L3MBTL4: variants seen among roughly 807,000 people sequenced by gnomAD.
L3MBTL4 encodes lethal(3)malignant brain tumor-like protein 4.
L3MBTL4 carries 70 observed loss-of-function variants against 84.5 expected under a neutral mutation model. The observed-to-expected ratio is 0.83, with a 90% CI of 0.68 to 1.01. L3MBTL4 has a LOEUF of 1.01. L3MBTL4 is among the 50% of genes least tolerant of loss of function. The pLI is 0.00. For synonymous variants in L3MBTL4, 274 were observed against 259.8 expected (o/e 1.05, Z -0.52); for missense variants, 715 against 754.8 (o/e 0.95, Z 0.62).
intron 13 of L3MBTL4, among the ~76,000 whole-genome samples, chr18:6,165,111 TAAG>T (rs1444951792): frequency 6.6e-6 from 1 of 151,990 alleles, no homozygotes; most frequent in African/African-American, 2.4e-5. Flanking sequence ...TGACATGAAC[TAAG>T]AAGAGAAGTT....
chr18:6,342,388 T>C (rs983162631), intron 1 of L3MBTL4, among the ~76,000 whole-genome samples: 2 of 152,194 alleles, frequency 1.3e-5, no homozygotes, highest in Non-Finnish European at 2.9e-5. Context: ...AAGATAGATT[T>C]ATTATATTAA....
chr18:6,320,065 A>G (rs1050196544), intron 1 of L3MBTL4, among the ~76,000 whole-genome samples: 2 of 152,020 alleles, frequency 1.3e-5, no homozygotes, highest in African/African-American at 2.4e-5. Context: ...CAATATAGGT[A>G]GAAAAAATAA....
At chr18:6,024,573 T>A (rs1454008917) in intron 16 of L3MBTL4, among the ~76,000 whole-genome samples, 3 of 152,124 alleles carry the variant, frequency 2.0e-5, no homozygotes, top group Admixed American at 2.0e-4. Flanking sequence ...CTTTCCCCCC[T>A]CAAGGTACAC....
At chr18:6,062,448 A>C (rs188263863) in intron 16 of L3MBTL4, among the ~76,000 whole-genome samples, 1 of 152,096 alleles carries the variant, frequency 6.6e-6, no homozygotes, top group East Asian at 1.9e-4. Context: ...TGACATATGT[A>C]GGTTCAGATG....
chr18:6,151,554 G>A (rs751823496), intron 13 of L3MBTL4, among the ~76,000 whole-genome samples: 9 of 151,792 alleles, frequency 5.9e-5, no homozygotes, highest in East Asian at 1.9e-4. Flanking sequence ...CACCAGGCAC[G>A]GCTAATTTTT....
chr18:6,149,047 A>ATTT (rs1289304160), intron 13 of L3MBTL4, among the ~76,000 whole-genome samples: 1 of 151,998 alleles, frequency 6.6e-6, no homozygotes, highest in Non-Finnish European at 1.5e-5. Context: ...GTTTTTAAAA[A>ATTT]TTTTTTTATT....
At chr18:6,248,126 A>G (rs2039430605) in intron 5 of L3MBTL4, among the ~76,000 whole-genome samples, 1 of 152,098 alleles carries the variant, frequency 6.6e-6, no homozygotes, top group South Asian at 2.1e-4. Flanking sequence ...CCCCCCCCAA[A>G]AGGTTTGTTC....
intron 5 of L3MBTL4, chr18:6,258,794 A>T (rs73385955): frequency 6.5e-6 from 1 of 152,704 alleles, no homozygotes; most frequent in African/African-American, 2.4e-5. Flanking sequence ...GAAATGTCCC[A>T]GGGTGAGAAC....
intron 4 of L3MBTL4, among the ~76,000 whole-genome samples, chr18:6,293,080 CA>C (rs1261479707): frequency 2.0e-5 from 3 of 152,188 alleles, no homozygotes; most frequent in Admixed American, 1.3e-4. Flanking sequence ...GTGTATACCC[CA>C]ACTATAATTC....
intron 5 of L3MBTL4, among the ~76,000 whole-genome samples, chr18:6,249,778 A>G (rs2047843608): frequency 6.6e-6 from 1 of 152,230 alleles, no homozygotes; most frequent in South Asian, 2.1e-4. Context: ...AAGAAAAGAT[A>G]ACTAGAGTTA....
intron 4 of L3MBTL4, among the ~76,000 whole-genome samples, chr18:6,294,250 A>T (rs551002861): frequency 1.4e-4 from 21 of 152,288 alleles, no homozygotes; most frequent in Non-Finnish European, 2.5e-4. Context: ...ATATCAATTA[A>T]AAAAGGAGAA....
chr18:5,982,306 A>C (rs1322004563), intron 16 of L3MBTL4, among the ~76,000 whole-genome samples: 1 of 152,116 alleles, frequency 6.6e-6, no homozygotes, highest in African/African-American at 2.4e-5. Context: ...AGACGGCCTA[A>C]ACAATCTGGC....
At chr18:6,212,643 T>C (rs1273483315) in intron 12 of L3MBTL4, among the ~76,000 whole-genome samples, 1 of 152,220 alleles carries the variant, frequency 6.6e-6, no homozygotes, top group East Asian at 1.9e-4. Flanking sequence ...AAAGTTTTAA[T>C]TGTTCTTGGT....
intron 3 of L3MBTL4, among the ~76,000 whole-genome samples, chr18:6,305,830 C>T (rs1283408664): frequency 1.3e-5 from 2 of 152,144 alleles, no homozygotes; most frequent in Non-Finnish European, 2.9e-5. Context: ...GGCACAGTGA[C>T]GTTTTCTAAT....
intron 12 of L3MBTL4, among the ~76,000 whole-genome samples, chr18:6,197,576 G>A (rs2045461377): frequency 6.6e-6 from 1 of 152,156 alleles, no homozygotes; most frequent in South Asian, 2.1e-4. Context: ...ATGAACATAC[G>A]TGTGCGTGTG....
intron 5 of L3MBTL4, among the ~76,000 whole-genome samples, chr18:6,262,395 G>A (rs1430915671): frequency 3.9e-5 from 6 of 152,164 alleles, no homozygotes; most frequent in African/African-American, 1.4e-4. Context: ...AGGCACTGCC[G>A]GGATACATGT....
chr18:5,974,435 C>CAAT (rs200020398), intron 16 of L3MBTL4, among the ~76,000 whole-genome samples: 1 of 150,662 alleles, frequency 6.6e-6, no homozygotes, highest in Non-Finnish European at 1.5e-5. Context: ...AGGCAATAAA[C>CAAT]ACACTGGAAC....
chr18:6,360,608 T>C (rs971070780), intron 1 of L3MBTL4, among the ~76,000 whole-genome samples: 1 of 152,162 alleles, frequency 6.6e-6, no homozygotes, highest in African/African-American at 2.4e-5. Context: ...CACGAGATGG[T>C]GATCAAATCA....
intron 16 of L3MBTL4, among the ~76,000 whole-genome samples, chr18:5,998,651 C>T (rs569796179): frequency 2.2e-4 from 33 of 152,222 alleles, no homozygotes; most frequent in African/African-American, 7.9e-4. Context: ...AAGGGGTGAT[C>T]CACCAGACTT....
Sources: allele counts gnomAD v4.1 joint callset (sites outside exome capture counted in the v4.1 genomes callset), GRCh38; gene constraint gnomAD v4.1.1; transcripts MANE v1.5; gene names NCBI Gene and HGNC (gene_info 2026-07-23, HGNC 2026-07-21).